Variants in MIPOL1 observed in about 807,000 individuals in gnomAD.
MIPOL1 encodes the protein mirror-image polydactyly gene 1 protein.
MIPOL1 carries 57 observed loss-of-function variants against 60.9 expected under a neutral mutation model. The ratio of observed to expected loss-of-function variants is 0.94; its 90% CI spans 0.76 to 1.17. The LOEUF (loss-of-function observed/expected upper bound fraction) is 1.17, where lower values mean the gene tolerates loss of function less well. Ranked by LOEUF, MIPOL1 falls within the 50% of genes most tolerant of loss-of-function variation. The pLI is 0.00. For missense variants in MIPOL1, 551 were observed against 511.6 expected (o/e 1.08, Z -0.74); for synonymous variants, 179 against 168.8 (o/e 1.06, Z -0.47).
intron 12 of MIPOL1, among the ~76,000 whole-genome samples, chr14:37,523,854 G>A (rs929657684): frequency 6.6e-6 from 1 of 152,116 alleles, no homozygotes; most frequent in African/African-American, 2.4e-5. Context: ...AAGTATAACA[G>A]GCAGATTAAG....
intron 7 of MIPOL1, among the ~76,000 whole-genome samples, chr14:37,306,889 G>T (rs1466239472): frequency 6.6e-6 from 1 of 151,800 alleles, no homozygotes; most frequent in Non-Finnish European, 1.5e-5. Flanking sequence ...AACCTAAGTG[G>T]ATGTTAGTTG....
chr14:37,548,107 A>C lies in MIPOL1; in HGVS notation c.*1136A>C, dbSNP rs1412265482. 1 of 152,090 alleles carries C rather than the reference A, an allele frequency of 6.6e-6. No homozygotes were observed. The highest frequency in any genetic ancestry group is 2.4e-5 in the African/African-American group (1 of 41,466). 9.4% of individuals were successfully genotyped at this position (152,090 alleles called of 1,614,324 possible). A position where few individuals can be genotyped will look rare whatever the true frequency, so the allele number is the denominator to read the frequency against. ...AAATGACTGTGCCTGGAACAGGATG[A>C]AATAGACAAGTAGAGATTTAATTAG... On this transcript the variant is annotated 3_prime_UTR_variant, in exon 13 of 13. Coordinates refer to ENST00000684589, the MANE Select transcript of MIPOL1 (RefSeq NM_001388067.1).
At chr14:37,205,732 C>G (rs1230529226) in intron 1 of MIPOL1, among the ~76,000 whole-genome samples, 2 of 152,068 alleles carry the variant, frequency 1.3e-5, no homozygotes, top group Non-Finnish European at 2.9e-5. Flanking sequence ...GGTTTTCTGT[C>G]CTTGTGATAG....
intron 9 of MIPOL1, among the ~76,000 whole-genome samples, chr14:37,360,168 GC>G (rs1404789726): frequency 6.6e-6 from 1 of 152,122 alleles, no homozygotes; most frequent in Non-Finnish European, 1.5e-5. Flanking sequence ...CGGGGATGAA[GC>G]CGACTTGATC....
chr14:37,542,513 A>G (rs771119956), intron 12 of MIPOL1, among the ~76,000 whole-genome samples: 3 of 152,136 alleles, frequency 2.0e-5, no homozygotes, highest in Non-Finnish European at 4.4e-5. Context: ...CAGTACTTGA[A>G]ACACATCAAA....
At chr14:37,541,986 C>T (rs1279197128) in intron 12 of MIPOL1, among the ~76,000 whole-genome samples, 3 of 152,164 alleles carry the variant, frequency 2.0e-5, no homozygotes, top group East Asian at 1.9e-4. Flanking sequence ...CATACGTCCC[C>T]TTGTAACTAC....
intron 12 of MIPOL1, chr14:37,501,671 G>T (rs963612556): frequency 7.2e-5 from 11 of 152,180 alleles, no homozygotes; most frequent in African/African-American, 2.7e-4. Context: ...GCAGCTCCCA[G>T]TGTTGATCGA....
rs190271700 is a variant in MIPOL1 at position 37,439,483 on chromosome 14, A to C, written c.1031+16534A>C. Among the ~76,000 whole-genome samples, 4 of 152,330 alleles carry C rather than the reference A, an allele frequency of 2.6e-5. No individual in the cohort carries two copies. In the East Asian group the frequency reaches 7.7e-4, roughly 29 times the overall value. The stretch of plus-strand genomic sequence containing the variant: ...GAATATAGAGCTTATTTTTTGAAGC[A>C]TTAAAAATTAAACTTATACTCAAAA... On this transcript the variant is annotated intron_variant, in intron 11 of 12. Coordinates refer to ENST00000684589, the MANE Select transcript of MIPOL1 (RefSeq NM_001388067.1).
chr14:37,409,409 C>A (rs761170733), intron 10 of MIPOL1, among the ~76,000 whole-genome samples: 1 of 151,988 alleles, frequency 6.6e-6, no homozygotes, highest in Non-Finnish European at 1.5e-5. Context: ...AAAAAAGTTG[C>A]AAGTTCTTAC....
intron 11 of MIPOL1, among the ~76,000 whole-genome samples, chr14:37,433,223 A>T (rs1380964884): frequency 6.7e-6 from 1 of 148,152 alleles, no homozygotes; most frequent in Non-Finnish European, 1.5e-5. Flanking sequence ...ACCATGCCTA[A>T]TTTTTTTTTT....
At chr14:37,351,675 T>C (rs999346343) in intron 9 of MIPOL1, among the ~76,000 whole-genome samples, 11 of 139,792 alleles carry the variant, frequency 7.9e-5, no homozygotes, top group Non-Finnish European at 1.4e-4. Flanking sequence ...ATGAGCATTT[T>C]TTCATGTGTT....
At chr14:37,249,425 G>A (rs539407690) in intron 3 of MIPOL1, among the ~76,000 whole-genome samples, 3 of 152,136 alleles carry the variant, frequency 2.0e-5, no homozygotes, top group African/African-American at 4.8e-5. Flanking sequence ...AGATCTGAGT[G>A]CCTTTTTCTG....
rs11472946 is a variant in MIPOL1 at position 37,330,710 on chromosome 14, A to AT, written c.828+22205dup. On this transcript the variant is annotated intron_variant, in intron 9 of 12. Coordinates refer to ENST00000684589, the MANE Select transcript of MIPOL1 (RefSeq NM_001388067.1). ...TAGCTTTTGTTTTTGTGTCCTCTTC[A>AT]TTTTTTTTTTTTTTGCAACCTGTTT... Among the ~76,000 whole-genome samples, 1,016 of 138,510 alleles carry AT rather than the reference A, an allele frequency of 7.3e-3. 11 individuals carry two copies. The highest frequency in any genetic ancestry group is 0.019 in the African/African-American group (719 of 37,172). 90.9% of individuals were successfully genotyped at this position (138,510 alleles called of 152,430 possible). A position where few individuals can be genotyped will look rare whatever the true frequency, so the allele number is the denominator to read the frequency against.
In MIPOL1 at chr14:37,508,884, T is replaced by C. The variant is rs114686845; in HGVS notation, c.1262+8746T>C. Among the ~76,000 whole-genome samples the C allele has an allele frequency of 9.5e-3, 1,453 of 152,228 alleles. 26 individuals are homozygous for C. The highest frequency in any genetic ancestry group is 0.033 in the African/African-American group (1,373 of 41,558). ...TCACAAATGCAGTCAACTTTTAGAA[T>C]ATTTATCCTACTTGAACTCTCATCA... On this transcript the variant is annotated intron_variant, in intron 12 of 12. Coordinates refer to ENST00000684589, the MANE Select transcript of MIPOL1 (RefSeq NM_001388067.1).
intron 12 of MIPOL1, among the ~76,000 whole-genome samples, chr14:37,543,145 G>A (rs1404130463): frequency 6.6e-6 from 1 of 152,148 alleles, no homozygotes; most frequent in East Asian, 1.9e-4. Flanking sequence ...ATCCTCAGAG[G>A]TCATGAAGTG....
chr14:37,396,625 G>A (rs191237432), intron 10 of MIPOL1, among the ~76,000 whole-genome samples: 1 of 151,922 alleles, frequency 6.6e-6, no homozygotes, highest in African/African-American at 2.4e-5. Context: ...CTTAGGTTTG[G>A]TCATTTAACA....
intron 9 of MIPOL1, among the ~76,000 whole-genome samples, chr14:37,347,835 A>C (rs904218145): frequency 1.3e-5 from 2 of 152,236 alleles, no homozygotes; most frequent in Admixed American, 6.5e-5. Flanking sequence ...TCCAGTAAAG[A>C]GTGTGAGAAC....
chr14:37,234,264 T>C (rs1299585670), intron 1 of MIPOL1, among the ~76,000 whole-genome samples: 1 of 148,244 alleles, frequency 6.7e-6, no homozygotes, highest in East Asian at 1.9e-4. Flanking sequence ...GTCACGACAA[T>C]TTTTTTTTTT....
intron 3 of MIPOL1, among the ~76,000 whole-genome samples, chr14:37,248,351 C>G (rs1193839463): frequency 6.6e-6 from 1 of 151,904 alleles, no homozygotes; most frequent in Non-Finnish European, 1.5e-5. Flanking sequence ...CATAGAGGCA[C>G]TGACACACAC....
Sources: gnomAD v4.1 joint callset for allele counts (sites outside exome capture counted in the v4.1 genomes callset) on GRCh38, gnomAD v4.1.1 for gene constraint, MANE v1.5 for transcripts, NCBI Gene and HGNC (gene_info 2026-07-23, HGNC 2026-07-21) for gene names.